Variants in UTP20 observed in about 807,000 individuals in gnomAD.
UTP20 encodes the protein small subunit processome component 20 homolog.
UTP20 carries 164 observed loss-of-function variants against 329.5 expected under a neutral mutation model. The observed-to-expected ratio is 0.50, with a 90% CI of 0.44 to 0.57. UTP20 has a LOEUF of 0.57. Ranked by LOEUF, UTP20 falls within the 20% of genes least tolerant of loss-of-function variation. UTP20 has a pLI of 0.00. For synonymous variants in UTP20, 1,151 were observed against 1,159.3 expected, an observed-to-expected ratio of 0.99 and a Z score of 0.14; for missense variants, 3,055 against 3,284.2, an observed-to-expected ratio of 0.93 and a Z score of 1.71.
At position 101,305,809 on chromosome 12, in the gene UTP20, C is replaced by A. The variant is rs1872630211; in HGVS notation, c.1782-106C>A. On this transcript the variant is annotated intron_variant, in intron 15 of 61. Coordinates refer to ENST00000261637, the MANE Select transcript of UTP20 (RefSeq NM_014503.3). ...ATCCACGTGAGACTTTTGCCTGTTA[C>A]CTTTTACATTTTCTTCATCAGTGAT... is the stretch of plus-strand genomic sequence containing the variant. 4 of 1,308,984 alleles carry A rather than the reference C, an allele frequency of 3.1e-6. No individual in the cohort carries two copies. The Admixed American group carries it at 1.2e-4, about 39-fold the overall frequency. The allele number at this position is 1,308,984 out of a possible 1,614,324, so 81.1% of individuals were successfully genotyped here. A position where few individuals can be genotyped will look rare whatever the true frequency, so the allele number is the denominator to read the frequency against.
chr12:101,378,011 C>T (rs1593456106), intron 56 of UTP20, among the ~76,000 whole-genome samples: 1 of 152,034 alleles, frequency 6.6e-6, no homozygotes, highest in East Asian at 2.0e-4. Context: ...TGCTTAAGCT[C>T]AGGAGTTCGA....
At chr12:101,283,517 G>C (rs954041583) in intron 2 of UTP20, among the ~76,000 whole-genome samples, 1 of 152,184 alleles carries the variant, frequency 6.6e-6, no homozygotes, top group Non-Finnish European at 1.5e-5. Flanking sequence ...CCGTCTCTTG[G>C]TGAAAGGAGC....
intron 54 of UTP20, 143 bp downstream of exon 54, chr12:101,373,910 T>G: frequency 9.6e-7 from 1 of 1,038,882 alleles, no homozygotes; most frequent in Non-Finnish European, 1.3e-6. Context: ...AATAGTATAT[T>G]CTTAAAGTTT....
chr12:101,345,479 T>G, intron 36 of UTP20, 75 bp from the exon 37 acceptor site: 1 of 1,027,812 alleles, frequency 9.7e-7, no homozygotes. Context: ...AAATTTTATG[T>G]TTTTTTCTGT....
At position 101,354,883 on chromosome 12, in the gene UTP20, G is replaced by A. The variant is rs756143997; in HGVS notation, c.5159G>A (p.Arg1720His). The change falls in exon 41 of 62, where the codon CGT (arginine) becomes CAT (histidine). Residue 1720 changes from arginine to histidine, a missense_variant. By Grantham distance (29) the Arg-to-His change is conservative. Coordinates refer to ENST00000261637, the MANE Select transcript of UTP20 (RefSeq NM_014503.3). ...LPEPEAMELE[R>H]VDEEEKEYTC... ...GAGCCTGAGGCCATGGAATTAGAGC[G>A]TGTGGATGAGGAAGAGAAGGAATAT... 28 of 1,614,192 alleles carry A rather than the reference G, an allele frequency of 1.7e-5. No individual in the cohort carries two copies. The highest frequency in any genetic ancestry group is 3.3e-5 in the South Asian group (3 of 91,086).
In UTP20 at chr12:101,375,623, G is replaced by C; in HGVS notation, c.7264-1G>C. On this transcript the variant is annotated splice_acceptor_variant, in intron 55 of 61. Coordinates refer to ENST00000261637, the MANE Select transcript of UTP20 (RefSeq NM_014503.3). LOFTEE classifies it high-confidence loss of function. ...TTGATTTACATCCGTCTTGTTTTTA[G>C]ATCATGGAAGAAACTGAAGAAAAAG... 3.7e-6 allele frequency: 6 copies of C among 1,609,632 alleles called. No homozygotes were observed. Among genetic ancestry groups the C allele is most frequent in the Non-Finnish European group, 5.1e-6 (6 of 1,178,850 alleles).
chr12:101,330,774 C>G (rs149823106), intron 27 of UTP20, among the ~76,000 whole-genome samples: 3 of 152,292 alleles, frequency 2.0e-5, no homozygotes, highest in African/African-American at 7.2e-5. Flanking sequence ...CAGCCTCACT[C>G]CCAAGTCAAT....
At chr12:101,326,816 T>G (rs1338259814) in intron 25 of UTP20, 1 of 233,128 alleles carries the variant, frequency 4.3e-6, no homozygotes, top group Non-Finnish European at 8.2e-6. Context: ...TTTAAACTCC[T>G]GAGCTCAAGT....
intron 2 of UTP20, among the ~76,000 whole-genome samples, chr12:101,282,636 C>T (rs1871838194): frequency 6.6e-6 from 1 of 152,142 alleles, no homozygotes; most frequent in Admixed American, 6.5e-5. Flanking sequence ...GAATGAATGA[C>T]ATGATCAGGT....
Position 101,367,939 on chromosome 12 carries a change from C to G in UTP20, c.6347C>G (p.Ser2116Cys). The stretch of plus-strand genomic sequence containing the variant: ...CTGGAAATGCTGGATCCTTTTGTGT[C>G]TCTCCTCATAGACTGCCTGGGCTCC... The part of the protein sequence containing the change: ...CVLEMLDPFV[S>C]LLIDCLGSMD... Residue 2116 changes from serine (S) to cysteine (C), a missense_variant, in exon 48 of 62, where the codon TCT becomes TGT. By Grantham distance (112) the Ser-to-Cys change is moderately radical. Coordinates refer to ENST00000261637, the MANE Select transcript of UTP20 (RefSeq NM_014503.3). The G allele has an allele frequency of 6.2e-7, 1 of 1,613,732 alleles. No homozygotes were observed. Among genetic ancestry groups the G allele is most frequent in the Non-Finnish European group, 8.5e-7 (1 of 1,179,724 alleles).
intron 46 of UTP20, 105 bp from the exon 47 acceptor site, chr12:101,366,453 C>A (rs1171556055): frequency 1.4e-6 from 2 of 1,408,582 alleles, no homozygotes; most frequent in Non-Finnish European, 1.9e-6. Context: ...GCAAATGGCA[C>A]ATTATTTAGT....
chr12:101,280,382 G>A, intron 1 of UTP20, 55 bp downstream of exon 1: 1 of 1,549,726 alleles, frequency 6.5e-7, no homozygotes, highest in Non-Finnish European at 8.7e-7. Flanking sequence ...TCAGTCGTGA[G>A]ACAGGCTCTG....
At position 101,332,919 on chromosome 12, in the gene UTP20, G is replaced by A. The variant is rs954398062; in HGVS notation, c.3418-382G>A. Among the ~76,000 whole-genome samples the A allele has an allele frequency of 3.9e-5, 6 of 152,086 alleles. No homozygotes were observed. In the South Asian group the frequency reaches 1.2e-3, roughly 32 times the overall value. On this transcript the variant is annotated intron_variant, in intron 27 of 61. Coordinates refer to ENST00000261637, the MANE Select transcript of UTP20 (RefSeq NM_014503.3). ...TTTTCCCCCTAATATAAGGCATTAT[G>A]TTGGGAAAAAAATTTTAAAAAAAAG...
chr12:101,381,328 T>A, intron 58 of UTP20, 117 bp downstream of exon 58: 3 of 823,460 alleles, frequency 3.6e-6, no homozygotes, highest in Non-Finnish European at 6.0e-6. Context: ...AGGTCAGGAG[T>A]TCGAGATGAG....
intron 2 of UTP20, among the ~76,000 whole-genome samples, chr12:101,284,607 T>G (rs1359962248): frequency 6.6e-6 from 1 of 152,142 alleles, no homozygotes; most frequent in African/African-American, 2.4e-5. Flanking sequence ...ATGCATTTAT[T>G]TATACATCTA....
intron 51 of UTP20, 64 bp from the exon 52 acceptor site, chr12:101,372,820 G>A (rs1870337298): frequency 1.4e-6 from 2 of 1,380,890 alleles, no homozygotes; most frequent in Non-Finnish European, 2.1e-6. Context: ...CCAGAAAGCA[G>A]CTTAGGAAAC....
intron 21 of UTP20, among the ~76,000 whole-genome samples, chr12:101,312,581 C>T (rs562354230): frequency 1.3e-5 from 2 of 152,290 alleles, no homozygotes; most frequent in East Asian, 1.9e-4. Context: ...TAGCTGGGCA[C>T]AGGCATGCGC....
rs186179547 is a variant in UTP20 at position 101,282,043 on chromosome 12, C to T, written c.126+847C>T. On this transcript the variant is annotated intron_variant, in intron 2 of 61. Transcript: ENST00000261637. ...GCAGAAGTCTTTTTCTGCATCATGT[C>T]GTTATTCCTCCTAGCATTTTAAGGT... Among the ~76,000 whole-genome samples, 424 of 152,226 alleles carry T rather than the reference C, an allele frequency of 2.8e-3. 1 individual carries two copies. The highest frequency in any genetic ancestry group is 4.9e-3 in the Non-Finnish European group (332 of 68,002).
chr12:101,370,906 G>A (rs1870263299), intron 50 of UTP20, 152 bp from the exon 51 acceptor site: 1 of 654,848 alleles, frequency 1.5e-6, no homozygotes, highest in African/African-American at 1.8e-5. Context: ...TAAGGGTTGT[G>A]TGTTCTTTGT....
Sources: gnomAD v4.1 joint callset for allele counts (sites outside exome capture counted in the v4.1 genomes callset) on GRCh38, gnomAD v4.1.1 for gene constraint, MANE v1.5 for transcripts, NCBI Gene and HGNC (gene_info 2026-07-23, HGNC 2026-07-21) for gene names.